Variants in KIAA1671 observed in about 807,000 individuals in gnomAD.
KIAA1671 encodes the protein KIAA1671.
In KIAA1671, 52 loss-of-function variants were observed where a neutral mutation model predicts 131.2. That is an observed-to-expected ratio of 0.40 (90% CI 0.32 to 0.50). The LOEUF (loss-of-function observed/expected upper bound fraction) is 0.50. Ranked by LOEUF, KIAA1671 falls within the 20% of genes least tolerant of loss-of-function variation. The pLI, the probability that KIAA1671 is intolerant of heterozygous loss-of-function variation, is 0.73. For missense variants in KIAA1671, 2,360 were observed against 2,364.2 expected, an observed-to-expected ratio of 1.00 and a Z score of 0.04; for synonymous variants, 1,003 against 961.6, an observed-to-expected ratio of 1.04 and a Z score of -0.80.
chr22:25,130,212 G>C (rs565420801), intron 6 of KIAA1671, among the ~76,000 whole-genome samples: 8 of 152,094 alleles, frequency 5.3e-5, no homozygotes, highest in African/African-American at 1.9e-4. Flanking sequence ...TACAGCAAAA[G>C]GTATATATCA....
chr22:25,043,562 AC>A, intron 5 of KIAA1671, among the ~76,000 whole-genome samples: 1 of 152,198 alleles, frequency 6.6e-6, no homozygotes, highest in East Asian at 1.9e-4. Flanking sequence ...CATAAGGACC[AC>A]CCTTTGAAGC....
intron 7 of KIAA1671, among the ~76,000 whole-genome samples, 169 bp from the exon 8 acceptor site, chr22:25,174,071 C>T (rs1933938774): frequency 6.6e-6 from 1 of 152,212 alleles, no homozygotes; most frequent in African/African-American, 2.4e-5. Flanking sequence ...CTCGCTGGCA[C>T]ATCTTGTGCT....
In KIAA1671 at chr22:25,179,320, TCTC is replaced by T. The variant is rs1255707687; in HGVS notation, c.5074+1802_5074+1804del. ...CCCGTCCCGGGCCCTTAGCCCGACATCTCCTCTCGCTGCTCCTTGTTCCTGCGC... is the reference window on the plus strand; with the variant it reads ...CCCGTCCCGGGCCCTTAGCCCGACATCTCTCGCTGCTCCTTGTTCCTGCGC... On this transcript the variant is annotated intron_variant, in intron 9 of 12. Transcript: ENST00000358431. 4.0e-5 allele frequency: 64 copies of T among 1,586,680 alleles called. No homozygotes were observed. In the East Asian group the frequency reaches 9.5e-4, roughly 24 times the overall value.
chr22:24,964,321 T>A (rs182815992), intron 1 of KIAA1671, among the ~76,000 whole-genome samples: 1 of 151,886 alleles, frequency 6.6e-6, no homozygotes, highest in Non-Finnish European at 1.5e-5. Context: ...AGAGGGAGAC[T>A]CTGTCTCAAC....
At position 24,967,828 on chromosome 22, in the gene KIAA1671, TA is replaced by T. The variant is rs778107966; in HGVS notation, c.-208+15062del. ...TAACACGGTGAAACCCTGTCTCTAC[TA>T]AAAAATACAAAAATTTAGCCGGGCG... On this transcript the variant is annotated intron_variant, in intron 1 of 12. Coordinates refer to ENST00000358431, the MANE Select transcript of KIAA1671 (RefSeq NM_001145206.2). Among the ~76,000 whole-genome samples the T allele has an allele frequency of 5.7e-4, 87 of 152,054 alleles. 1 individual carries two copies. Among genetic ancestry groups the T allele is most frequent in the Middle Eastern group, 3.4e-3 (1 of 294 alleles).
At position 25,183,411 on chromosome 22, in the gene KIAA1671, G is replaced by A. The variant is rs190395816; in HGVS notation, c.5200-1566G>A. Among the ~76,000 whole-genome samples, 694 of 148,634 alleles carry A rather than the reference G, an allele frequency of 4.7e-3. 6 individuals carry two copies. The highest frequency in any genetic ancestry group is 0.017 in the African/African-American group (672 of 39,702). ...TTCAGTCACTAGAACTAGGTTAGAG[G>A]TTTTCTGACTTTCTTTCCCTCCCTC... On this transcript the variant is annotated intron_variant, in intron 10 of 12. Transcript: ENST00000358431.
intron 6 of KIAA1671, among the ~76,000 whole-genome samples, chr22:25,085,062 A>G (rs1568946416): frequency 6.6e-6 from 1 of 152,164 alleles, no homozygotes. Context: ...AGGGGAGGGG[A>G]CATGGACCCC....
intron 9 of KIAA1671, among the ~76,000 whole-genome samples, chr22:25,180,081 G>A (rs1033022638): frequency 1.4e-5 from 1 of 73,566 alleles, no homozygotes; most frequent in African/African-American, 4.4e-5. Flanking sequence ...TGGGCTACCC[G>A]AGGAACTGTG....
intron 6 of KIAA1671, among the ~76,000 whole-genome samples, chr22:25,126,460 G>A (rs1009560196): frequency 6.6e-6 from 1 of 152,212 alleles, no homozygotes; most frequent in African/African-American, 2.4e-5. Context: ...CATTTGAAGA[G>A]CGTACAAAGG....
Position 25,041,130 on chromosome 22 carries a change from A to G in KIAA1671, c.4000A>G (p.Ser1334Gly). The change falls in exon 5 of 13, where the codon AGT becomes GGT. Residue 1334 changes from serine (S) to glycine (G), a missense_variant. By Grantham distance (56) the Ser-to-Gly change is moderately conservative. Transcript: ENST00000358431. ...FAEDDRKAFA[S>G]KHHVAKCQNY... is the part of the protein sequence containing the mutation. Reference sequence around the variant, plus strand: ...TGAGGATGACAGAAAGGCCTTTGCCAGTAAACATCATGTTGCAAAGTGTCA... The same window carrying G: ...TGAGGATGACAGAAAGGCCTTTGCCGGTAAACATCATGTTGCAAAGTGTCA... 4 of 1,550,582 alleles carry G rather than the reference A, an allele frequency of 2.6e-6. No homozygotes were observed. In the South Asian group the frequency reaches 4.8e-5, roughly 18 times the overall value.
intron 6 of KIAA1671, among the ~76,000 whole-genome samples, chr22:25,155,720 A>T (rs1008147130): frequency 3.3e-5 from 5 of 151,596 alleles, no homozygotes; most frequent in African/African-American, 9.7e-5. Context: ...TTATGTGTAT[A>T]TTTTTGTGTA....
chr22:24,983,834 A>C (rs1306679232), intron 1 of KIAA1671, among the ~76,000 whole-genome samples: 4 of 147,490 alleles, frequency 2.7e-5, no homozygotes, highest in Non-Finnish European at 5.9e-5. Context: ...GCTGGAGTGC[A>C]ATGGTGCGAT....
At chr22:25,161,800 T>A (rs1027121396) in intron 6 of KIAA1671, among the ~76,000 whole-genome samples, 1 of 152,156 alleles carries the variant, frequency 6.6e-6, no homozygotes, top group Non-Finnish European at 1.5e-5. Flanking sequence ...CACCTGTGGA[T>A]GCACTTCGGG....
intron 1 of KIAA1671, among the ~76,000 whole-genome samples, chr22:24,988,735 CAAAA>C (rs133092): frequency 4.7e-5 from 5 of 106,502 alleles, no homozygotes; most frequent in African/African-American, 6.9e-5. Flanking sequence ...GACTCCATCT[CAAAA>C]AAAAAAAAAA....
At chr22:25,182,290 CTCTT>C (rs1934317107) in intron 10 of KIAA1671, among the ~76,000 whole-genome samples, 1 of 150,414 alleles carries the variant, frequency 6.6e-6, no homozygotes, top group Non-Finnish European at 1.5e-5. Context: ...CCCTTCCTAC[CTCTT>C]TCTCTTTCCT....
At chr22:24,987,121 A>C (rs1209586152) in intron 1 of KIAA1671, among the ~76,000 whole-genome samples, 1 of 151,900 alleles carries the variant, frequency 6.6e-6, no homozygotes, top group Non-Finnish European at 1.5e-5. Flanking sequence ...ATGTGTCATG[A>C]AATACTGTTC....
intron 1 of KIAA1671, among the ~76,000 whole-genome samples, chr22:24,959,453 G>A (rs1436902971): frequency 6.6e-6 from 1 of 152,108 alleles, no homozygotes; most frequent in Non-Finnish European, 1.5e-5. Context: ...AACCTGGGAG[G>A]TGGAGTTTGC....
intron 1 of KIAA1671, chr22:25,023,960 C>T (rs1925805311): frequency 6.6e-6 from 1 of 151,820 alleles, no homozygotes; most frequent in African/African-American, 2.4e-5. Flanking sequence ...AAAAAAATCC[C>T]AAAAAACTCC....
At chr22:25,029,653 C>G (rs1238175217) in intron 3 of KIAA1671, 113 bp downstream of exon 3, 14 of 760,798 alleles carry the variant, frequency 1.8e-5, no homozygotes, top group Admixed American at 1.8e-4. Flanking sequence ...TTACCCATAG[C>G]CCAAGAGGAG....
Sources: allele counts gnomAD v4.1 joint callset (sites outside exome capture counted in the v4.1 genomes callset), GRCh38; gene constraint gnomAD v4.1.1; transcripts MANE v1.5; gene names NCBI Gene and HGNC (gene_info 2026-07-23, HGNC 2026-07-21).